Variants in GSPT1 observed in about 807,000 individuals in gnomAD.
GSPT1 encodes G1 to S phase transition 1, also known as eukaryotic peptide chain release factor GTP-binding subunit ERF3A.
A neutral mutation model predicts 72.5 loss-of-function variants in GSPT1; 20 were observed. The observed-to-expected ratio is 0.28, with a 90% CI of 0.19 to 0.40. The LOEUF is 0.40. Among genes scored for constraint, GSPT1 ranks in the 10% least tolerant of loss-of-function variants. GSPT1 has a pLI of 1.00. For missense variants in GSPT1, 580 were observed against 811.9 expected (o/e 0.71, Z 3.47); for synonymous variants, 334 against 293.5 (o/e 1.14, Z -1.41).
intron 5 of GSPT1, among the ~76,000 whole-genome samples, chr16:11,892,525 A>AAAAAAAAAAAAAAAAAAAT (rs1567443291): frequency 2.1e-5 from 3 of 141,854 alleles, no homozygotes; most frequent in Admixed American, 7.0e-5. Context: ...AAAAAAAACA[A>AAAAAAAAAAAAAAAAAAAT]AAAAAACAAA....
chr16:11,902,184 C>T (rs2054416552), intron 1 of GSPT1, among the ~76,000 whole-genome samples: 1 of 151,232 alleles, frequency 6.6e-6, no homozygotes, highest in South Asian at 2.1e-4. Flanking sequence ...AGATCGAGAC[C>T]ATCCTGGCTA....
Position 11,886,508 on chromosome 16 carries a change from T to A in GSPT1, c.1216A>T (p.Asn406Tyr). The A allele has an allele frequency of 6.2e-7, 1 of 1,613,336 alleles. No individual in the cohort carries two copies. Among genetic ancestry groups the A allele is most frequent in the Non-Finnish European group, 8.5e-7 (1 of 1,179,438 alleles). ...CAGAAATCCGACTGCTCTTTGAGAT[T>A]TGCTCCAGTAAGTCCTGAGCAGGGC... Reference protein sequence around the residue: ...FMPCSGLTGANLKEQSDFCPW... With the variant: ...FMPCSGLTGAYLKEQSDFCPW... Residue 406 changes from asparagine (N) to tyrosine (Y), a missense_variant, in exon 9 of 15, where the codon AAT (asparagine) becomes TAT (tyrosine). Asn to Tyr is a moderately radical substitution (Grantham distance 143). This residue lies in a region of GSPT1 where 45 missense variants were observed against 43.0 expected (regional missense o/e 1.05). Transcript: ENST00000434724.
chr16:11,886,000 C>A (rs2054182697), intron 9 of GSPT1, among the ~76,000 whole-genome samples: 1 of 152,100 alleles, frequency 6.6e-6, no homozygotes, highest in Non-Finnish European at 1.5e-5. Flanking sequence ...AAAGAATAGT[C>A]TTTTCAACAA....
chr16:11,887,141 T>C (rs1325980534), intron 7 of GSPT1, among the ~76,000 whole-genome samples: 1 of 151,888 alleles, frequency 6.6e-6, no homozygotes, highest in Non-Finnish European at 1.5e-5. Flanking sequence ...CAAAATCTAG[T>C]ATACCTGCAT....
intron 10 of GSPT1, among the ~76,000 whole-genome samples, chr16:11,883,671 T>G (rs964175224): frequency 6.6e-6 from 1 of 151,310 alleles, no homozygotes; most frequent in Non-Finnish European, 1.5e-5. Context: ...TCCCAGCACT[T>G]TGGGAGGCCG....
chr16:11,875,814 A>T lies in GSPT1; in HGVS notation c.1808T>A (p.Leu603His). The change falls in exon 14 of 15, where the codon CTT becomes CAT. Residue 603 changes from leucine to histidine, a missense_variant. This residue lies in a region of GSPT1 where 120 missense variants were observed against 242.5 expected (regional missense o/e 0.49). Transcript: ENST00000434724. ...CTGAGGGAAGTCTTTAAAGGTCTCA[A>T]GGCAGATGGTTCCTGCTGTCCTTAA... The part of the protein sequence containing the change: ...ARLRTAGTIC[L>H]ETFKDFPQMG... The T allele has an allele frequency of 1.9e-6, 3 of 1,613,842 alleles. No individual in the cohort carries two copies. The highest frequency in any genetic ancestry group is 2.5e-6 in the Non-Finnish European group (3 of 1,179,898).
At chr16:11,902,306 C>T (rs1322736615) in intron 1 of GSPT1, among the ~76,000 whole-genome samples, 3 of 143,686 alleles carry the variant, frequency 2.1e-5, no homozygotes, top group East Asian at 2.3e-4. Flanking sequence ...GGCATGAACC[C>T]GGGAGGTGGA....
chr16:11,911,854 ATTTTTTTTTTT>A (rs1158026034), intron 1 of GSPT1, among the ~76,000 whole-genome samples: 25 of 45,408 alleles, frequency 5.5e-4, no homozygotes, highest in African/African-American at 9.2e-4. Flanking sequence ...ACCCAGCTGT[ATTTTTTTTTTT>A]TTTTTTTTTT....
intron 4 of GSPT1, among the ~76,000 whole-genome samples, chr16:11,895,989 G>C (rs1054870509): frequency 6.6e-6 from 1 of 152,212 alleles, no homozygotes; most frequent in Non-Finnish European, 1.5e-5. Context: ...TCATATCTGG[G>C]GGGAAGGCAG....
chr16:11,879,229 G>A (rs924778948), intron 11 of GSPT1, among the ~76,000 whole-genome samples: 36 of 135,194 alleles, frequency 2.7e-4, no homozygotes, highest in African/African-American at 8.1e-4. Flanking sequence ...ACCCTGTCTC[G>A]ACTAAAAATA....
intron 11 of GSPT1, among the ~76,000 whole-genome samples, chr16:11,879,568 A>G (rs1485497263): frequency 6.6e-6 from 1 of 152,028 alleles, no homozygotes; most frequent in Non-Finnish European, 1.5e-5. Flanking sequence ...TCCTGTCTCC[A>G]TTAAAAATAC....
chr16:11,909,581 T>C (rs1023477281), intron 1 of GSPT1, among the ~76,000 whole-genome samples: 5 of 152,188 alleles, frequency 3.3e-5, no homozygotes, highest in East Asian at 3.8e-4. Context: ...AGACAAGTAC[T>C]GTAAAAAGAT....
intron 1 of GSPT1, among the ~76,000 whole-genome samples, chr16:11,910,728 T>C (rs2054547022): frequency 1.3e-5 from 2 of 152,370 alleles, no homozygotes; most frequent in South Asian, 4.1e-4. Context: ...CTGAAATTGC[T>C]GTCTTTTCAC....
chr16:11,907,175 C>T (rs145304187), intron 1 of GSPT1, among the ~76,000 whole-genome samples: 3 of 152,186 alleles, frequency 2.0e-5, no homozygotes, highest in Non-Finnish European at 4.4e-5. Flanking sequence ...TGTCATTCTG[C>T]TACTACTGAG....
Position 11,892,523 on chromosome 16 carries a change from C to CA in GSPT1, c.699-1385dup, listed in dbSNP as rs1452581943. Among the ~76,000 whole-genome samples, 202 of 116,072 alleles carry CA rather than the reference C, an allele frequency of 1.7e-3. 3 individuals are homozygous for CA. The highest frequency in any genetic ancestry group is 0.013 in the East Asian group (47 of 3,680). The allele number at this position is 116,072 out of a possible 152,430, so 76.1% of individuals were successfully genotyped here. A position where few individuals can be genotyped will look rare whatever the true frequency, so the allele number is the denominator to read the frequency against. On this transcript the variant is annotated intron_variant, in intron 5 of 14. Transcript: ENST00000434724. Reference sequence around the variant, plus strand: ...CCCTTTCTCAAAAAAACAAAAAAAACAAAAAAAACAAAAAATAAAAAATGG... The same window carrying CA: ...CCCTTTCTCAAAAAAACAAAAAAAACAAAAAAAAACAAAAAATAAAAAATGG...
At chr16:11,913,346 A>G (rs2054584321) in intron 1 of GSPT1, among the ~76,000 whole-genome samples, 2 of 152,240 alleles carry the variant, frequency 1.3e-5, no homozygotes, top group South Asian at 4.1e-4. Flanking sequence ...AAAGTCGGTA[A>G]CACCAAAATA....
chr16:11,878,859 G>A (rs1331950495), intron 11 of GSPT1, among the ~76,000 whole-genome samples: 1 of 151,932 alleles, frequency 6.6e-6, no homozygotes, highest in Non-Finnish European at 1.5e-5. Context: ...GAGATCAGGA[G>A]TTTGAGACCA....
intron 1 of GSPT1, 97 bp from the exon 2 acceptor site, chr16:11,898,132 A>AAGTT: frequency 1.3e-6 from 1 of 755,452 alleles, no homozygotes; most frequent in Non-Finnish European, 2.3e-6. Flanking sequence ...CAATAACACG[A>AAGTT]CACAAGCCTC....
intron 5 of GSPT1, among the ~76,000 whole-genome samples, chr16:11,892,308 A>C (rs1596466016): frequency 6.7e-6 from 1 of 149,476 alleles, no homozygotes; most frequent in Non-Finnish European, 1.5e-5. Flanking sequence ...CCACCACTGC[A>C]CTCTAGCCTG....
Sources: allele counts gnomAD v4.1 joint callset (sites outside exome capture counted in the v4.1 genomes callset), GRCh38; gene constraint gnomAD v4.1.1; regional missense constraint gnomAD v4.1.1; transcripts MANE v1.5; gene names NCBI Gene and HGNC (gene_info 2026-07-23, HGNC 2026-07-21).